The following KCNIP4 variants were observed in gnomAD, a reference collection of about 807,000 sequenced individuals.
The protein encoded by KCNIP4 is Kv channel-interacting protein 4.
In KCNIP4, 12 loss-of-function variants were observed where a neutral mutation model predicts 34.0. The ratio of observed to expected loss-of-function variants is 0.35; its 90% confidence interval spans 0.23 to 0.57. The LOEUF (loss-of-function observed/expected upper bound fraction) is 0.57, where lower values mean the gene tolerates loss of function less well. KCNIP4 is among the 20% of genes least tolerant of loss of function. KCNIP4 has a pLI of 0.83. For missense variants in KCNIP4, 238 were observed against 311.7 expected (o/e 0.76, Z 1.78); for synonymous variants, 124 against 102.2 (o/e 1.21, Z -1.29).
chr4:21,590,676 A>G (rs73252299), intron 1 of KCNIP4, among the ~76,000 whole-genome samples: 11,603 of 152,050 alleles, frequency 0.076, 686 homozygotes, highest in African/African-American at 0.17. Context: ...TGTATGGTGT[A>G]TCATATCTCC....
At chr4:21,845,059 T>C (rs555638297) in intron 1 of KCNIP4, 4 of 152,194 alleles carry the variant, frequency 2.6e-5, no homozygotes, top group African/African-American at 9.6e-5. Flanking sequence ...GGAAGGATGT[T>C]TAAAACCTAC....
At position 21,462,097 on chromosome 4, in the gene KCNIP4, T is replaced by C. The variant is rs1338630637; in HGVS notation, c.61+486474A>G. ...CTGTTTTGAAATAAACAATACATTC[T>C]TATTAACTATAATCACCCTACTGTG... On this transcript the variant is annotated intron_variant, in intron 1 of 8. Transcript: ENST00000382152. 3.3e-5 allele frequency among the ~76,000 whole-genome samples: 5 copies of C among 152,180 alleles called. No homozygotes were observed. The East Asian group carries it at 9.7e-4, about 30-fold the overall frequency.
chr4:20,890,109 T>TAA (rs1725773272), intron 1 of KCNIP4, among the ~76,000 whole-genome samples: 2 of 152,182 alleles, frequency 1.3e-5, no homozygotes, highest in Admixed American at 6.5e-5. Context: ...TCTGTTTGTT[T>TAA]ATGAATTAAC....
intron 1 of KCNIP4, among the ~76,000 whole-genome samples, chr4:21,826,259 C>T (rs1187455716): frequency 1.3e-5 from 2 of 152,076 alleles, no homozygotes; most frequent in African/African-American, 4.8e-5. Flanking sequence ...CCTGCCTACT[C>T]GACTTCGGTA....
intron 1 of KCNIP4, among the ~76,000 whole-genome samples, chr4:21,883,483 G>C (rs917657138): frequency 2.0e-5 from 3 of 151,918 alleles, no homozygotes; most frequent in South Asian, 2.1e-4. Context: ...AGTTAGATTA[G>C]ACTGATAAAG....
rs183196225 is a variant in KCNIP4, at chr4:21,750,491, G to C, written c.61+198080C>G. 2.9e-3 allele frequency among the ~76,000 whole-genome samples: 436 copies of C among 152,158 alleles called. 2 individuals carry two copies. Among genetic ancestry groups the C allele is most frequent in the African/African-American group, 9.7e-3 (402 of 41,560 alleles). On this transcript the variant is annotated intron_variant, in intron 1 of 8. Coordinates refer to ENST00000382152, the MANE Select transcript of KCNIP4 (RefSeq NM_025221.6). ...CTAGGTCTGATGCTAGGTTGGGAAT[G>C]AGGGTGTAGTGATTGAGCTTGATGA...
intron 1 of KCNIP4, among the ~76,000 whole-genome samples, chr4:21,708,543 G>A (rs137914277): frequency 1.6e-3 from 250 of 152,214 alleles, no homozygotes; most frequent in African/African-American, 5.5e-3. Context: ...GCAAGCTGAA[G>A]ATGACAAAAT....
At chr4:21,928,257 C>T (rs149097800) in intron 1 of KCNIP4, among the ~76,000 whole-genome samples, 74 of 152,106 alleles carry the variant, frequency 4.9e-4, no homozygotes, top group African/African-American at 1.7e-3. Context: ...CCCTGAGTCA[C>T]CCTCTGGAGC....
chr4:21,002,200 C>G (rs1430852948), intron 1 of KCNIP4, among the ~76,000 whole-genome samples: 3 of 152,174 alleles, frequency 2.0e-5, no homozygotes. Flanking sequence ...AGTACAAAAG[C>G]TGCCTGGTTT....
chr4:21,758,629 G>A (rs1482825950), intron 1 of KCNIP4, among the ~76,000 whole-genome samples: 1 of 152,132 alleles, frequency 6.6e-6, no homozygotes, highest in African/African-American at 2.4e-5. Context: ...CTTGGTCTTT[G>A]GAATTAGAGA....
chr4:21,591,462 A>T (rs1375921044), intron 1 of KCNIP4, among the ~76,000 whole-genome samples: 1 of 152,060 alleles, frequency 6.6e-6, no homozygotes, highest in Non-Finnish European at 1.5e-5. Flanking sequence ...AACTACGTAA[A>T]TTAAAAAAAC....
Position 20,730,143 on chromosome 4 carries a change from A to C in KCNIP4, c.706-14T>G. The C allele has an allele frequency of 1.3e-6, 2 of 1,598,304 alleles. No individual in the cohort carries two copies. Among genetic ancestry groups the C allele is most frequent in the Non-Finnish European group, 1.7e-6 (2 of 1,173,660 alleles). On this transcript the variant is annotated splice_polypyrimidine_tract_variant and intron_variant, in intron 8 of 8. Transcript: ENST00000382152. ...TATGTTTTCATCCTGTAAGGGAGAA[A>C]CACAGAGCGATTAAATTCAGCATAT...
At chr4:21,467,832 A>G (rs567920554) in intron 1 of KCNIP4, among the ~76,000 whole-genome samples, 1 of 152,294 alleles carries the variant, frequency 6.6e-6, no homozygotes, top group African/African-American at 2.4e-5. Flanking sequence ...TGCTTTGATC[A>G]GGTTAAATTT....
chr4:21,448,304 G>A (rs1195070417), intron 1 of KCNIP4, among the ~76,000 whole-genome samples: 2 of 152,120 alleles, frequency 1.3e-5, no homozygotes, highest in Non-Finnish European at 2.9e-5. Flanking sequence ...TAAACTGATT[G>A]TTGGTAGAAA....
At chr4:21,396,701 G>T (rs576434203) in intron 1 of KCNIP4, among the ~76,000 whole-genome samples, 1 of 152,024 alleles carries the variant, frequency 6.6e-6, no homozygotes, top group Non-Finnish European at 1.5e-5. Flanking sequence ...ACTCTTACAA[G>T]AAAACAACAG....
chr4:21,813,525 A>C (rs1455484644), intron 1 of KCNIP4, among the ~76,000 whole-genome samples: 2 of 152,284 alleles, frequency 1.3e-5, no homozygotes, highest in African/African-American at 4.8e-5. Flanking sequence ...CTAACTTTGA[A>C]GTGTAACACA....
chr4:21,244,313 A>C (rs868214043), intron 1 of KCNIP4, among the ~76,000 whole-genome samples: 2 of 152,154 alleles, frequency 1.3e-5, no homozygotes, highest in Non-Finnish European at 1.5e-5. Flanking sequence ...CTTTCCTGCC[A>C]CTTTTCCATG....
At chr4:20,734,806 T>A in intron 5 of KCNIP4, 71 bp from the exon 6 acceptor site, 1 of 726,576 alleles carries the variant, frequency 1.4e-6, no homozygotes, top group Non-Finnish European at 2.2e-6. Context: ...ACAAATGATG[T>A]AAGTAAGGGC....
rs369966890 is a variant in KCNIP4 at position 21,721,785 on chromosome 4, G to A, written c.61+226786C>T. On this transcript the variant is annotated intron_variant, in intron 1 of 8. Transcript: ENST00000382152. Reference sequence around the variant, plus strand: ...TCAATAAAACATGGTTGTAAACTCAGCACTTGCCATTCACATGGCTAACAC... The same window carrying A: ...TCAATAAAACATGGTTGTAAACTCAACACTTGCCATTCACATGGCTAACAC... Among the ~76,000 whole-genome samples the A allele has an allele frequency of 3.3e-5, 5 of 152,226 alleles. No individual in the cohort carries two copies. The East Asian group carries it at 9.7e-4, about 29-fold the overall frequency.
Sources: allele counts gnomAD v4.1 joint callset (sites outside exome capture counted in the v4.1 genomes callset), GRCh38; gene constraint gnomAD v4.1.1; transcripts MANE v1.5; gene names NCBI Gene and HGNC (gene_info 2026-07-23, HGNC 2026-07-21).